ZBTB44: variants seen among roughly 807,000 people sequenced by gnomAD.
ZBTB44 encodes the protein zinc finger and BTB domain-containing protein 44.
A neutral mutation model predicts 54.0 loss-of-function variants in ZBTB44; 15 were observed. That is an observed-to-expected ratio of 0.28 (90% CI 0.19 to 0.43). The LOEUF is 0.43. Among genes scored for constraint, ZBTB44 ranks in the 20% least tolerant of loss-of-function variants. The pLI, the probability that ZBTB44 is intolerant of heterozygous loss-of-function variation, is 1.00. For synonymous variants in ZBTB44, 230 were observed against 250.1 expected (o/e 0.92, Z 0.76); for missense variants, 487 against 707.1 (o/e 0.69, Z 3.53).
intron 1 of ZBTB44, among the ~76,000 whole-genome samples, chr11:130,309,550 T>C (rs1174017348): frequency 6.6e-6 from 1 of 152,236 alleles, no homozygotes; most frequent in African/African-American, 2.4e-5. Flanking sequence ...CCTTTTTATC[T>C]GTACATAGCA....
In ZBTB44 at chr11:130,265,471, C is replaced by T. The variant is rs1485827963; in HGVS notation, c.-56-3542G>A. On this transcript the variant is annotated intron_variant, in intron 1 of 7. Coordinates refer to ENST00000357899, the MANE Select transcript of ZBTB44 (RefSeq NM_001301098.2). ...AACTCCTGACCTCAAGTGATCCACC[C>T]GCCTCATGTTTTTCACTTTAAATGA... is the stretch of plus-strand genomic sequence containing the variant. Among the ~76,000 whole-genome samples, 5 of 152,194 alleles carry T rather than the reference C, an allele frequency of 3.3e-5. 1 individual carries two copies. The highest frequency in any genetic ancestry group is 4.1e-4 in the South Asian group (2 of 4,822).
intron 1 of ZBTB44, among the ~76,000 whole-genome samples, chr11:130,267,804 C>G (rs1939365849): frequency 6.6e-6 from 1 of 152,156 alleles, no homozygotes; most frequent in Non-Finnish European, 1.5e-5. Flanking sequence ...TGGCTCATGC[C>G]TGTAATCCCA....
At chr11:130,272,073 T>C (rs1296443926) in intron 1 of ZBTB44, among the ~76,000 whole-genome samples, 1 of 151,764 alleles carries the variant, frequency 6.6e-6, no homozygotes, top group Non-Finnish European at 1.5e-5. Flanking sequence ...CTACTAAAAA[T>C]ACAAAAAAAT....
At chr11:130,237,206 A>T in intron 4 of ZBTB44, 113 bp from the exon 5 acceptor site, 1 of 1,058,552 alleles carries the variant, frequency 9.4e-7, no homozygotes, top group Non-Finnish European at 1.2e-6. Flanking sequence ...AAAAGGCAAG[A>T]ATTACCAGCA....
Position 130,259,880 on chromosome 11 carries a change from C to A in ZBTB44, c.1018+976G>T, listed in dbSNP as rs183518355. ...TGAAGGGTTGATGGGTGCAGCAAAC[C>A]ACCATGGCATGTGTATACCTATGTA... On this transcript the variant is annotated intron_variant, in intron 2 of 7. Coordinates refer to ENST00000357899, the MANE Select transcript of ZBTB44 (RefSeq NM_001301098.2). Among the ~76,000 whole-genome samples the A allele has an allele frequency of 5.8e-3, 884 of 151,878 alleles. 6 individuals carry two copies. The highest frequency in any genetic ancestry group is 0.011 in the Non-Finnish European group (717 of 67,946).
In ZBTB44 at chr11:130,269,763, T is replaced by C. The variant is rs540598932; in HGVS notation, c.-56-7834A>G. 2.0e-5 allele frequency among the ~76,000 whole-genome samples: 3 copies of C among 152,314 alleles called. No homozygotes were observed. The South Asian group carries it at 6.2e-4, about 32-fold the overall frequency. On this transcript the variant is annotated intron_variant, in intron 1 of 7. Coordinates refer to ENST00000357899, the MANE Select transcript of ZBTB44 (RefSeq NM_001301098.2). ...GCCAGGCATTAAATCTGAGTCAAGT[T>C]GTTCACCTCTCTAATGATGCTTCTG...
At chr11:130,252,896 A>C (rs919403937) in intron 2 of ZBTB44, among the ~76,000 whole-genome samples, 8 of 152,216 alleles carry the variant, frequency 5.3e-5, no homozygotes, top group South Asian at 4.1e-4. Context: ...CTGGGATGCA[A>C]GGCTGGTTCA....
chr11:130,298,276 G>A (rs1272198401), intron 1 of ZBTB44, among the ~76,000 whole-genome samples: 2 of 151,864 alleles, frequency 1.3e-5, no homozygotes, highest in East Asian at 1.9e-4. Context: ...CTGAATAGCT[G>A]GGACTACAGG....
chr11:130,295,936 A>G, intron 1 of ZBTB44: 1 of 1,522,892 alleles, frequency 6.6e-7, no homozygotes, highest in Non-Finnish European at 9.1e-7. Flanking sequence ...TGAAGCACAG[A>G]AACTTGCTAA....
At chr11:130,314,283 G>C (rs917182170) in intron 1 of ZBTB44, 92 bp downstream of exon 1, 1 of 152,418 alleles carries the variant, frequency 6.6e-6, no homozygotes, top group Non-Finnish European at 1.5e-5. Flanking sequence ...CGCTCCCTTC[G>C]GCGCCAGGTG....
At position 130,299,986 on chromosome 11, in the gene ZBTB44, A is replaced by C. The variant is rs558929272; in HGVS notation, c.-57+14389T>G. 1.9e-4 allele frequency among the ~76,000 whole-genome samples: 29 copies of C among 152,364 alleles called. No homozygotes were observed. In the East Asian group the frequency reaches 5.4e-3, roughly 28 times the overall value. On this transcript the variant is annotated intron_variant, in intron 1 of 7. Coordinates refer to ENST00000357899, the MANE Select transcript of ZBTB44 (RefSeq NM_001301098.2). Reference sequence around the variant, plus strand: ...GGAATATTATTCAGCCTTAAAAAGGAAGGAAATTCAGATACATGCTGCAAC... The same window carrying C: ...GGAATATTATTCAGCCTTAAAAAGGCAGGAAATTCAGATACATGCTGCAAC...
At chr11:130,280,205 A>G (rs967459433) in intron 1 of ZBTB44, among the ~76,000 whole-genome samples, 2 of 152,238 alleles carry the variant, frequency 1.3e-5, no homozygotes, top group Non-Finnish European at 1.5e-5. Flanking sequence ...TAATAAATGC[A>G]AATGATTTAA....
At chr11:130,291,467 T>G (rs1021941594) in intron 1 of ZBTB44, among the ~76,000 whole-genome samples, 4 of 152,204 alleles carry the variant, frequency 2.6e-5, no homozygotes, top group Admixed American at 2.6e-4. Context: ...CTTTCAGATG[T>G]ACTTTCAAAT....
At chr11:130,264,909 T>C (rs1939142954) in intron 1 of ZBTB44, among the ~76,000 whole-genome samples, 1 of 152,234 alleles carries the variant, frequency 6.6e-6, no homozygotes, top group South Asian at 2.1e-4. Flanking sequence ...TCACTTCACA[T>C]TTGTGTCACA....
At chr11:130,257,896 C>T (rs1280640392) in intron 2 of ZBTB44, among the ~76,000 whole-genome samples, 2 of 152,022 alleles carry the variant, frequency 1.3e-5, no homozygotes, top group East Asian at 1.9e-4. Flanking sequence ...TTGAATTTGC[C>T]ACTACTAGTA....
intron 2 of ZBTB44, among the ~76,000 whole-genome samples, chr11:130,248,265 G>A (rs1288163448): frequency 6.6e-6 from 1 of 152,150 alleles, no homozygotes; most frequent in African/African-American, 2.4e-5. Flanking sequence ...TTTTCTGTAT[G>A]GCTTTGTTTT....
intron 4 of ZBTB44, 39 bp downstream of exon 4, chr11:130,238,405 G>C: frequency 1.3e-6 from 2 of 1,548,806 alleles, no homozygotes; most frequent in South Asian, 1.2e-5. Context: ...AAATGTTTTA[G>C]AGCGTTCACT....
At chr11:130,302,723 C>T (rs1942051859) in intron 1 of ZBTB44, among the ~76,000 whole-genome samples, 3 of 152,192 alleles carry the variant, frequency 2.0e-5, no homozygotes, top group Admixed American at 2.0e-4. Context: ...CCTGTAATCC[C>T]AACACTTTGG....
intron 1 of ZBTB44, among the ~76,000 whole-genome samples, chr11:130,279,493 C>T (rs1034404657): frequency 1.3e-5 from 2 of 151,980 alleles, no homozygotes; most frequent in African/African-American, 2.4e-5. Flanking sequence ...ACCCTGTCTC[C>T]ATTAAAAATA....
Sources: allele counts gnomAD v4.1 joint callset (sites outside exome capture counted in the v4.1 genomes callset), GRCh38; gene constraint gnomAD v4.1.1; transcripts MANE v1.5; gene names NCBI Gene and HGNC (gene_info 2026-07-23, HGNC 2026-07-21).